Variants in TCERG1L observed in about 807,000 individuals in gnomAD.
TCERG1L encodes transcription elongation regulator 1 like, also known as transcription elongation regulator 1-like protein.
In TCERG1L, 37 loss-of-function variants were observed where a neutral mutation model predicts 56.3. The ratio of observed to expected loss-of-function variants is 0.66; its 90% CI spans 0.51 to 0.87. The LOEUF (loss-of-function observed/expected upper bound fraction) is 0.87. Among genes scored for constraint, TCERG1L ranks in the 40% least tolerant of loss-of-function variants. The pLI is 0.00. For synonymous variants in TCERG1L, 324 were observed against 326.3 expected (o/e 0.99, Z 0.08); for missense variants, 799 against 774.2 (o/e 1.03, Z -0.38).
intron 3 of TCERG1L, among the ~76,000 whole-genome samples, chr10:131,297,962 C>T (rs536589837): frequency 6.6e-6 from 1 of 151,968 alleles, no homozygotes; most frequent in Non-Finnish European, 1.5e-5. Flanking sequence ...TTTTTATAGC[C>T]AGGGGTTTAT....
At chr10:131,295,472 T>C (rs1280072201) in intron 3 of TCERG1L, among the ~76,000 whole-genome samples, 1 of 152,224 alleles carries the variant, frequency 6.6e-6, no homozygotes, top group Middle Eastern at 3.2e-3. Context: ...GGTTCTGTCT[T>C]TGTTTTGTTT....
chr10:131,145,251 A>G (rs1036514578), intron 7 of TCERG1L, among the ~76,000 whole-genome samples: 1 of 152,198 alleles, frequency 6.6e-6, no homozygotes, highest in Non-Finnish European at 1.5e-5. Context: ...GTCCATGAGT[A>G]AGAACCTTGA....
At chr10:131,232,984 A>C (rs1845868596) in intron 4 of TCERG1L, among the ~76,000 whole-genome samples, 2 of 152,388 alleles carry the variant, frequency 1.3e-5, no homozygotes, top group Admixed American at 6.5e-5. Flanking sequence ...TTGGAGATGT[A>C]AGTGGCTGCC....
In TCERG1L at chr10:131,157,003, T is replaced by G. The variant is rs557965563; in HGVS notation, c.1034+6119A>C. 9.5e-4 allele frequency among the ~76,000 whole-genome samples: 144 copies of G among 152,234 alleles called. 1 individual carries two copies. The highest frequency in any genetic ancestry group is 3.3e-3 in the African/African-American group (139 of 41,540). On this transcript the variant is annotated intron_variant, in intron 6 of 11. Coordinates refer to ENST00000368642, the MANE Select transcript of TCERG1L (RefSeq NM_174937.4). ...CTCTAGGCTGGTGTCTGCTCATAGC[T>G]CTTACCTCTTTAGGCAGAAATGCAG... is the stretch of plus-strand genomic sequence containing the variant.
chr10:131,143,321 C>T (rs77955837), intron 7 of TCERG1L, among the ~76,000 whole-genome samples: 7,603 of 152,190 alleles, frequency 0.05, 280 homozygotes, highest in South Asian at 0.22. Flanking sequence ...TCACTTCTTA[C>T]CCCAGGGCTC....
chr10:131,177,057 TAC>T (rs1225500964), intron 4 of TCERG1L, among the ~76,000 whole-genome samples: 186 of 37,860 alleles, frequency 4.9e-3, no homozygotes, highest in Admixed American at 0.012. Flanking sequence ...CACAGACGTA[TAC>T]ACACACAGAC....
intron 6 of TCERG1L, among the ~76,000 whole-genome samples, chr10:131,147,426 T>TGCACTCTG (rs1442316408): frequency 2.0e-5 from 3 of 152,194 alleles, no homozygotes; most frequent in African/African-American, 7.2e-5. Context: ...CGGGAGACTC[T>TGCACTCTG]GCACTCTGAC....
At chr10:131,130,968 G>A (rs1361729759) in intron 8 of TCERG1L, among the ~76,000 whole-genome samples, 1 of 152,160 alleles carries the variant, frequency 6.6e-6, no homozygotes, top group Non-Finnish European at 1.5e-5. Context: ...TATGAAAAGA[G>A]TACTGAAAAC....
intron 3 of TCERG1L, among the ~76,000 whole-genome samples, chr10:131,268,868 G>C (rs745531827): frequency 2.6e-5 from 4 of 152,216 alleles, no homozygotes; most frequent in Non-Finnish European, 4.4e-5. Flanking sequence ...GGAATGTTGT[G>C]CCTGGTTTGA....
intron 6 of TCERG1L, among the ~76,000 whole-genome samples, chr10:131,153,712 G>T (rs1397132831): frequency 6.6e-6 from 1 of 152,230 alleles, no homozygotes; most frequent in Non-Finnish European, 1.5e-5. Context: ...GCATTCCGAT[G>T]CTGGGAGCAG....
At chr10:131,211,963 C>T (rs1845625023) in intron 4 of TCERG1L, among the ~76,000 whole-genome samples, 1 of 152,222 alleles carries the variant, frequency 6.6e-6, no homozygotes, top group Admixed American at 6.5e-5. Flanking sequence ...ACATGACCAT[C>T]CACAGATCTT....
rs1191416741 is a variant in TCERG1L, at chr10:131,267,953, C to A, written c.671-7509G>T. On this transcript the variant is annotated intron_variant, in intron 3 of 11. Transcript: ENST00000368642. The surrounding 1 kb of genome is among the most constrained non-coding windows in gnomAD (Gnocchi z 4.9). ...GGGCTCCCCTTTGCCCAGCTCACAA[C>A]CCTGCCAGGGTTGGCTCCTCTGGGA... is the stretch of plus-strand genomic sequence containing the variant. Among the ~76,000 whole-genome samples the A allele has an allele frequency of 6.6e-6, 1 of 152,204 alleles. No homozygotes were observed. The highest frequency in any genetic ancestry group is 1.9e-4 in the East Asian group (1 of 5,180).
intron 7 of TCERG1L, among the ~76,000 whole-genome samples, chr10:131,136,493 C>T (rs1315954916): frequency 6.6e-6 from 1 of 152,032 alleles, no homozygotes; most frequent in Non-Finnish European, 1.5e-5. Context: ...AGCAGTGCCT[C>T]GCCCAGGCCC....
intron 9 of TCERG1L, among the ~76,000 whole-genome samples, chr10:131,105,412 T>A (rs927364841): frequency 6.6e-6 from 1 of 152,144 alleles, no homozygotes; most frequent in Non-Finnish European, 1.5e-5. Context: ...CGAGGAGAAG[T>A]AGCTACATGA....
In TCERG1L at chr10:131,124,300, C is replaced by T. The variant is rs191160882; in HGVS notation, c.1260-7366G>A. ...GCAGCCGAGCTCCAGATTCTACTTT[C>T]CAAAAGAACAAGGTTCCAGGGTCTC... On this transcript the variant is annotated intron_variant, in intron 8 of 11. Transcript: ENST00000368642. Among the ~76,000 whole-genome samples, 1,338 of 152,280 alleles carry T rather than the reference C, an allele frequency of 8.8e-3. 16 individuals carry two copies. The highest frequency in any genetic ancestry group is 0.01 in the Non-Finnish European group (703 of 68,020).
intron 4 of TCERG1L, among the ~76,000 whole-genome samples, chr10:131,255,710 A>G (rs1846159357): frequency 2.0e-5 from 3 of 152,228 alleles, no homozygotes; most frequent in African/African-American, 7.2e-5. Context: ...GGTGATTCTC[A>G]GGGTAGGCAC....
At chr10:131,201,822 G>A (rs577074656) in intron 4 of TCERG1L, among the ~76,000 whole-genome samples, 3 of 152,130 alleles carry the variant, frequency 2.0e-5, no homozygotes, top group Non-Finnish European at 2.9e-5. Context: ...CAGAGCTGCC[G>A]GCTTTGCTAA....
At chr10:131,284,125 C>CAAAAAAAAAAAA (rs10534180) in intron 3 of TCERG1L, among the ~76,000 whole-genome samples, 1 of 116,400 alleles carries the variant, frequency 8.6e-6, no homozygotes. Context: ...GACCACATCT[C>CAAAAAAAAAAAA]AAAAAAAAAA....
intron 4 of TCERG1L, among the ~76,000 whole-genome samples, chr10:131,227,630 G>A (rs1456523947): frequency 3.3e-5 from 5 of 152,196 alleles, no homozygotes; most frequent in African/African-American, 1.2e-4. Context: ...TGGGGCAACC[G>A]TCAGCTCAGC....
Sources: allele counts gnomAD v4.1 joint callset (sites outside exome capture counted in the v4.1 genomes callset), GRCh38; gene constraint gnomAD v4.1.1; non-coding constraint Gnocchi (gnomAD v3.1); transcripts MANE v1.5; gene names NCBI Gene and HGNC (gene_info 2026-07-23, HGNC 2026-07-21).